The following GPM6A variants were observed in gnomAD, a reference collection of about 807,000 sequenced individuals.
GPM6A encodes the protein glycoprotein M6A.
In GPM6A, 7 loss-of-function variants were observed where a neutral mutation model predicts 32.1. The ratio of observed to expected loss-of-function variants is 0.22; its 90% CI spans 0.12 to 0.41. The LOEUF is 0.41. GPM6A is among the 10% of genes least tolerant of loss of function. The pLI, the probability that GPM6A is intolerant of heterozygous loss-of-function variation, is 1.00. For synonymous variants in GPM6A, 130 were observed against 123.4 expected, an observed-to-expected ratio of 1.05 and a Z score of -0.35; for missense variants, 235 against 347.2, an observed-to-expected ratio of 0.68 and a Z score of 2.57.
intron 1 of GPM6A, among the ~76,000 whole-genome samples, chr4:175,838,260 G>C (rs1735834195): frequency 6.6e-6 from 1 of 150,914 alleles, no homozygotes; most frequent in Non-Finnish European, 1.5e-5. Context: ...CATTTAATTT[G>C]AGATTTTCTC....
intron 2 of GPM6A, among the ~76,000 whole-genome samples, chr4:175,696,372 C>T (rs1046892406): frequency 1.3e-5 from 2 of 152,164 alleles, no homozygotes; most frequent in South Asian, 4.1e-4. Flanking sequence ...ATCTTATTCA[C>T]CACACTATCT....
At chr4:176,000,224 T>C (rs1457657668) in intron 1 of GPM6A, among the ~76,000 whole-genome samples, 2 of 152,216 alleles carry the variant, frequency 1.3e-5, no homozygotes, top group African/African-American at 4.8e-5. Flanking sequence ...ACGTAAGTTT[T>C]TGGTGACCTC....
intron 1 of GPM6A, among the ~76,000 whole-genome samples, chr4:175,781,952 T>C (rs1268203287): frequency 6.6e-6 from 1 of 152,150 alleles, no homozygotes; most frequent in Non-Finnish European, 1.5e-5. Flanking sequence ...GATTCAAAGG[T>C]CATCTAGCAC....
intron 1 of GPM6A, among the ~76,000 whole-genome samples, chr4:175,848,799 A>G (rs1736165800): frequency 6.6e-6 from 1 of 152,214 alleles, no homozygotes; most frequent in Non-Finnish European, 1.5e-5. Flanking sequence ...TAACAAACAT[A>G]AATGTCTAAT....
intron 1 of GPM6A, among the ~76,000 whole-genome samples, chr4:175,830,402 T>A (rs1365498012): frequency 1.3e-5 from 2 of 152,196 alleles, no homozygotes; most frequent in Non-Finnish European, 2.9e-5. Flanking sequence ...CCAAAGTGTA[T>A]ATAAAATAAT....
chr4:175,750,598 GGTCTGGCTCTGTCGCCAAGGCTAGAGT>G (rs138300073), intron 1 of GPM6A, among the ~76,000 whole-genome samples: 57,859 of 151,200 alleles, frequency 0.38, 11,678 homozygotes, highest in Non-Finnish European at 0.46. Context: ...TTTTGACAGG[GGTCTGGCTCTGTCGCCAAGGCTAGAGT>G]GTGGTGGACC....
intron 1 of GPM6A, among the ~76,000 whole-genome samples, chr4:175,916,670 A>T (rs1275958298): frequency 6.6e-6 from 1 of 152,168 alleles, no homozygotes; most frequent in African/African-American, 2.4e-5. Context: ...TATGGGGGGA[A>T]ATATAATAAT....
intron 1 of GPM6A, among the ~76,000 whole-genome samples, chr4:175,990,825 T>C (rs1741115053): frequency 6.6e-6 from 1 of 152,132 alleles, no homozygotes; most frequent in South Asian, 2.1e-4. Flanking sequence ...GATGTATTTA[T>C]CATATGATGT....
chr4:175,689,252 TG>T (rs1189425155), intron 2 of GPM6A, among the ~76,000 whole-genome samples: 1 of 152,202 alleles, frequency 6.6e-6, no homozygotes, highest in Non-Finnish European at 1.5e-5. Context: ...AATATACCAT[TG>T]TGATTTTGAT....
chr4:175,962,301 G>C, intron 1 of GPM6A: 1 of 1,202,316 alleles, frequency 8.3e-7, no homozygotes, highest in Non-Finnish European at 1.2e-6. Context: ...AGAAGTAAAA[G>C]TGAGTTTACT....
At position 175,636,374 on chromosome 4, in the gene GPM6A, G is replaced by A. The variant is rs1283435013; in HGVS notation, c.685-1317C>T. Among the ~76,000 whole-genome samples the A allele has an allele frequency of 2.0e-5, 3 of 148,536 alleles. No homozygotes were observed. The East Asian group carries it at 5.8e-4, about 29-fold the overall frequency. On this transcript the variant is annotated intron_variant, in intron 6 of 6. Transcript: ENST00000393658. ...GTATTTTGTTGCTGTAAAATATCAA[G>A]TGCTGTGGAGAGTGCTTAGTACATA...
At chr4:175,646,189 C>T (rs189285198) in intron 4 of GPM6A, among the ~76,000 whole-genome samples, 12 of 152,130 alleles carry the variant, frequency 7.9e-5, no homozygotes, top group African/African-American at 2.9e-4. Flanking sequence ...TGTCACCTAA[C>T]ATGGGAATAC....
At chr4:175,939,103 C>T (rs1201090313) in intron 1 of GPM6A, among the ~76,000 whole-genome samples, 1 of 151,988 alleles carries the variant, frequency 6.6e-6, no homozygotes, top group East Asian at 1.9e-4. Context: ...AGATGTGAAT[C>T]CTGTTTATAA....
chr4:175,826,569 A>AAAAC (rs1454189260), intron 1 of GPM6A, among the ~76,000 whole-genome samples: 1 of 152,240 alleles, frequency 6.6e-6, no homozygotes, highest in Non-Finnish European at 1.5e-5. Flanking sequence ...GATGGAACGG[A>AAAAC]AAACTGGGGT....
At chr4:175,908,529 T>G (rs1329890893) in intron 1 of GPM6A, among the ~76,000 whole-genome samples, 1 of 150,750 alleles carries the variant, frequency 6.6e-6, no homozygotes, top group South Asian at 2.1e-4. Context: ...TTTCCAAAGT[T>G]AAAAAAAAAG....
chr4:175,801,178 CA>C (rs1734456795), intron 1 of GPM6A, among the ~76,000 whole-genome samples: 1 of 152,058 alleles, frequency 6.6e-6, no homozygotes, highest in Admixed American at 6.6e-5. Flanking sequence ...AATGACCTCA[CA>C]AGGATTTTGG....
At chr4:175,961,459 A>G (rs1266347693) in intron 1 of GPM6A, 1 of 152,204 alleles carries the variant, frequency 6.6e-6, no homozygotes, top group Non-Finnish European at 1.5e-5. Context: ...ACAGATAAGC[A>G]GACACAGAAA....
intron 1 of GPM6A, among the ~76,000 whole-genome samples, chr4:175,799,041 A>C (rs1464181977): frequency 2.6e-5 from 4 of 152,198 alleles, no homozygotes; most frequent in Non-Finnish European, 5.9e-5. Context: ...TAGTGCTTAA[A>C]ATATACGAGT....
At chr4:175,744,027 A>G (rs1390027926) in intron 1 of GPM6A, among the ~76,000 whole-genome samples, 1 of 152,000 alleles carries the variant, frequency 6.6e-6, no homozygotes, top group African/African-American at 2.4e-5. Flanking sequence ...CAAACTGACC[A>G]AATTGACATT....
Sources: gnomAD v4.1 joint callset for allele counts (sites outside exome capture counted in the v4.1 genomes callset) on GRCh38, gnomAD v4.1.1 for gene constraint, MANE v1.5 for transcripts, NCBI Gene and HGNC (gene_info 2026-07-23, HGNC 2026-07-21) for gene names.